Variants in KNG1 observed in about 807,000 individuals in gnomAD.
The protein encoded by KNG1 is kininogen-1.
Under a neutral mutation model 47.8 loss-of-function variants are expected in KNG1, and 23 were observed. The ratio of observed to expected loss-of-function variants is 0.48; its 90% CI spans 0.35 to 0.68. The LOEUF (loss-of-function observed/expected upper bound fraction) is 0.68, where lower values mean the gene tolerates loss of function less well. Among genes scored for constraint, KNG1 ranks in the 30% least tolerant of loss-of-function variants. The pLI is 0.01. For missense variants in KNG1, 762 were observed against 790.2 expected (o/e 0.96, Z 0.43); for synonymous variants, 277 against 277.0 (o/e 1.00, Z 0.00).
intron 6 of KNG1, 50 bp from the exon 7 acceptor site, chr3:186,732,452 C>T (rs372630196): frequency 1.6e-5 from 25 of 1,569,436 alleles, no homozygotes; most frequent in Non-Finnish European, 2.1e-5. Flanking sequence ...GGATGCTAGG[C>T]CAGGCTGCTA....
chr3:186,739,778 G>A (rs769367746), intron 9 of KNG1, among the ~76,000 whole-genome samples: 3 of 152,158 alleles, frequency 2.0e-5, no homozygotes, highest in South Asian at 2.1e-4. Flanking sequence ...ATGGCTGGGC[G>A]CGGTGGCTCA....
chr3:186,744,019 T>A lies in KNG1; in HGVS notation c.*1688T>A. The A allele has an allele frequency of 1.8e-6, 1 of 566,810 alleles. No homozygotes were observed. Among genetic ancestry groups the A allele is most frequent in the Non-Finnish European group, 3.2e-6 (1 of 311,156 alleles). The allele number at this position is 566,810 out of a possible 1,614,324, so 35.1% of individuals were successfully genotyped here. On this transcript the variant is annotated 3_prime_UTR_variant, in exon 10 of 10. Transcript: ENST00000644859. ...AAATTCCAGCTGGTCAGAGAGTCAG[T>A]GCTGTGGCTCTGCCATGGAGGCTCA...
intron 1 of KNG1, among the ~76,000 whole-genome samples, chr3:186,719,023 A>C (rs1330817681): frequency 2.6e-5 from 4 of 152,166 alleles, no homozygotes; most frequent in Non-Finnish European, 5.9e-5. Flanking sequence ...GCCATGTGAC[A>C]ACATGGGGAT....
Position 186,742,995 on chromosome 3 carries a change from C to T in KNG1, c.*664C>T, listed in dbSNP as rs1265780692. 1.0e-6 allele frequency: 1 copy of T among 965,870 alleles called. No individual in the cohort carries two copies. Among genetic ancestry groups the T allele is most frequent in the African/African-American group, 1.8e-5 (1 of 56,896 alleles). 59.8% of individuals were successfully genotyped at this position (965,870 alleles called of 1,614,324 possible). A position where few individuals can be genotyped will look rare whatever the true frequency, so the allele number is the denominator to read the frequency against. Reference sequence around the variant, plus strand: ...GAAAGGGGGGACATAAATTAATTGACTTTCTATTCCCAAAATGGGCTAGTT... The same window carrying T: ...GAAAGGGGGGACATAAATTAATTGATTTTCTATTCCCAAAATGGGCTAGTT... On this transcript the variant is annotated 3_prime_UTR_variant, in exon 10 of 10. Coordinates refer to ENST00000644859, the MANE Select transcript of KNG1 (RefSeq NM_001102416.3).
intron 7 of KNG1, among the ~76,000 whole-genome samples, chr3:186,735,549 C>T (rs905217146): frequency 2.0e-5 from 3 of 151,610 alleles, no homozygotes; most frequent in African/African-American, 4.9e-5. Flanking sequence ...ACTCGGGAGG[C>T]GGAGGTTGCA....
chr3:186,738,808 T>TCCA (rs1720730700), intron 7 of KNG1: 3 of 334,436 alleles, frequency 9.0e-6, no homozygotes, highest in African/African-American at 6.6e-5. Context: ...ATCGTGCCAC[T>TCCA]GCACTCCAGC....
Position 186,732,539 on chromosome 3 carries a change from G to GGGCT in KNG1, c.797_800dup (p.Cys267TrpfsTer25), listed in dbSNP as rs1720563143. On this transcript the variant is annotated frameshift_variant, in exon 7 of 10. Transcript: ENST00000644859. LOFTEE classifies it high-confidence loss of function. Reference sequence around the variant, plus strand: ...TACAACCACCTACCAAGATTTGCGTGGGCTGCCCCAGAGATATACCCACCA... The same window carrying GGGCT: ...TACAACCACCTACCAAGATTTGCGTGGGCTGGCTGCCCCAGAGATATACCCACCA... The GGGCT allele has an allele frequency of 1.9e-6, 3 of 1,614,030 alleles. No homozygotes were observed. The African/African-American group carries it at 4.0e-5, about 22-fold the overall frequency.
chr3:186,725,448 C>G lies in KNG1; in HGVS notation c.564+188C>G, dbSNP rs557476923. On this transcript the variant is annotated intron_variant, in intron 4 of 9. Coordinates refer to ENST00000644859, the MANE Select transcript of KNG1 (RefSeq NM_001102416.3). ...AGTGAGAAAAGATGTCGAATCAGAC[C>G]CCCTTCCTTTGATGTTTGATTTTAA... Among the ~76,000 whole-genome samples the G allele has an allele frequency of 2.0e-5, 3 of 152,016 alleles. No homozygotes were observed. In the South Asian group the frequency reaches 6.3e-4, roughly 32 times the overall value.
At chr3:186,722,395 T>A in intron 2 of KNG1, 42 bp from the exon 3 acceptor site, 1 of 1,485,804 alleles carries the variant, frequency 6.7e-7, no homozygotes, top group South Asian at 1.1e-5. Flanking sequence ...GACTTTCCCA[T>A]CTGAAAGATT....
At chr3:186,722,848 C>T (rs1720245956) in intron 3 of KNG1, among the ~76,000 whole-genome samples, 1 of 152,188 alleles carries the variant, frequency 6.6e-6, no homozygotes, top group Non-Finnish European at 1.5e-5. Context: ...GCTTTGAGGG[C>T]AGACCTGGCC....
Position 186,732,575 on chromosome 3 carries a change from G to C in KNG1, c.831G>C (p.Glu277Asp). 6.2e-7 allele frequency: 1 copy of C among 1,614,106 alleles called. No homozygotes were observed. Among genetic ancestry groups the C allele is most frequent in the Non-Finnish European group, 8.5e-7 (1 of 1,179,956 alleles). Residue 277 changes from glutamate (E) to aspartate (D), a missense_variant, in exon 7 of 10, where the codon GAG (glutamate) becomes GAC (aspartate). Transcript: ENST00000644859. ...GAGATATACCCACCAACAGCCCAGA[G>C]CTGGAGGAGACACTGACTCACACCA... The part of the protein sequence containing the change: ...CPRDIPTNSP[E>D]LEETLTHTIT...
chr3:186,732,278 A>G (rs1288363012), intron 6 of KNG1, among the ~76,000 whole-genome samples: 3 of 152,208 alleles, frequency 2.0e-5, no homozygotes, highest in African/African-American at 7.2e-5. Flanking sequence ...AGTTACTCGC[A>G]CTTTCCTATT....
intron 1 of KNG1, 116 bp from the exon 2 acceptor site, chr3:186,719,989 G>A (rs544832519): frequency 1.4e-6 from 1 of 737,946 alleles, no homozygotes; most frequent in Non-Finnish European, 2.5e-6. Context: ...TATATTTTAA[G>A]TGAATGCTTT....
rs1183357778 is a variant in KNG1 at position 186,744,321 on chromosome 3, A to C, written c.*1990A>C. Reference sequence around the variant, plus strand: ...TGTCTACCAACTTCTCACTATCAGAAAATACTCAACCTCCAAACAATTTGA... The same window carrying C: ...TGTCTACCAACTTCTCACTATCAGACAATACTCAACCTCCAAACAATTTGA... On this transcript the variant is annotated 3_prime_UTR_variant, in exon 10 of 10. Coordinates refer to ENST00000644859, the MANE Select transcript of KNG1 (RefSeq NM_001102416.3). 1 of 154,200 alleles carries C rather than the reference A, an allele frequency of 6.5e-6. No individual in the cohort carries two copies. Among genetic ancestry groups the C allele is most frequent in the Non-Finnish European group, 1.4e-5 (1 of 69,248 alleles). 9.6% of individuals were successfully genotyped at this position (154,200 alleles called of 1,614,324 possible).
intron 6 of KNG1, among the ~76,000 whole-genome samples, chr3:186,731,879 T>C (rs181014471): frequency 2.0e-4 from 31 of 152,384 alleles, no homozygotes; most frequent in African/African-American, 5.8e-4. Context: ...TGGGCAAAGT[T>C]GGCCTTTGGG....
intron 5 of KNG1, chr3:186,728,288 A>G (rs1241554288): frequency 6.6e-6 from 1 of 152,222 alleles, no homozygotes; most frequent in African/African-American, 2.4e-5. Context: ...AAATGCTGCA[A>G]GTCCTTTGAT....
chr3:186,722,217 ACT>A, intron 2 of KNG1: 1 of 544,886 alleles, frequency 1.8e-6, no homozygotes, highest in South Asian at 2.1e-5. Flanking sequence ...CATCATTTAC[ACT>A]GTCTTTCCTC....
intron 9 of KNG1, among the ~76,000 whole-genome samples, chr3:186,740,071 A>G (rs1485873761): frequency 6.6e-6 from 1 of 152,066 alleles, no homozygotes; most frequent in African/African-American, 2.4e-5. Flanking sequence ...AAGAAAAGAA[A>G]AATTCAGACT....
intron 5 of KNG1, among the ~76,000 whole-genome samples, chr3:186,730,884 T>C (rs1469450795): frequency 1.3e-5 from 2 of 151,680 alleles, no homozygotes; most frequent in Non-Finnish European, 2.9e-5. Context: ...TCAAATCTTC[T>C]ATGTTCTTGT....
Sources: allele counts gnomAD v4.1 joint callset (sites outside exome capture counted in the v4.1 genomes callset), GRCh38; gene constraint gnomAD v4.1.1; transcripts MANE v1.5; gene names NCBI Gene and HGNC (gene_info 2026-07-23, HGNC 2026-07-21).